Variants in SNX8 observed in about 807,000 individuals in gnomAD.
SNX8 encodes sorting nexin 8.
SNX8 carries 25 observed loss-of-function variants against 51.6 expected under a neutral mutation model. The ratio of observed to expected loss-of-function variants is 0.48; its 90% CI spans 0.35 to 0.68. The LOEUF (loss-of-function observed/expected upper bound fraction) is 0.68, where lower values mean the gene tolerates loss of function less well. SNX8 is among the 30% of genes least tolerant of loss of function. The pLI, the probability that SNX8 is intolerant of heterozygous loss-of-function variation, is 0.00. For synonymous variants in SNX8, 324 were observed against 277.0 expected, an observed-to-expected ratio of 1.17 and a Z score of -1.68; for missense variants, 695 against 624.0, an observed-to-expected ratio of 1.11 and a Z score of -1.21.
At chr7:2,267,558 C>A (rs1795500527) in intron 5 of SNX8, among the ~76,000 whole-genome samples, 1 of 134,730 alleles carries the variant, frequency 7.4e-6, no homozygotes, top group South Asian at 2.6e-4. Flanking sequence ...GAGTGATCCG[C>A]CAACCTCGGC....
At chr7:2,338,410 C>T (rs1202469691) in intron 1 of SNX8, among the ~76,000 whole-genome samples, 2 of 150,752 alleles carry the variant, frequency 1.3e-5, no homozygotes, top group East Asian at 1.9e-4. Context: ...TGCAGTGAGC[C>T]GAAATCATGC....
In SNX8 at chr7:2,257,747, C is replaced by G; in HGVS notation, c.972G>C (p.Leu324=). 2 of 1,613,990 alleles carry G rather than the reference C, an allele frequency of 1.2e-6. No individual in the cohort carries two copies. Among genetic ancestry groups the G allele is most frequent in the Non-Finnish European group, 1.7e-6 (2 of 1,179,938 alleles). ...VEKLNLFLDL[L]QSYKDLCERH... is the part of the protein sequence containing the mutation. ...AGCCAAGACTCACCTTATAGGACTG[C>G]AGCAGATCCAAGAAGAGGTTCAGCT... The change falls in exon 8 of 11, where the codon CTG becomes CTC. Residue 324 remains leucine (L), a synonymous_variant. Transcript: ENST00000222990.
chr7:2,273,273 A>C (rs1272810497), intron 3 of SNX8, among the ~76,000 whole-genome samples: 3 of 151,826 alleles, frequency 2.0e-5, no homozygotes, highest in Non-Finnish European at 4.4e-5. Flanking sequence ...AGCGTAGCGA[A>C]ACCCTGTCTC....
chr7:2,273,403 A>AC (rs1795694638), intron 3 of SNX8, among the ~76,000 whole-genome samples: 1 of 147,362 alleles, frequency 6.8e-6, no homozygotes, highest in Non-Finnish European at 1.5e-5. Flanking sequence ...ACACGGTGAA[A>AC]CCCCATCTCC....
chr7:2,341,074 G>T (rs555215313), intron 1 of SNX8, among the ~76,000 whole-genome samples: 119 of 151,034 alleles, frequency 7.9e-4, no homozygotes, highest in African/African-American at 2.7e-3. Context: ...AGAAACTGAG[G>T]TGGGAGGATC....
upstream of SNX8, among the ~76,000 whole-genome samples, chr7:2,317,591 A>G (rs1362263414): frequency 1.3e-5 from 2 of 151,898 alleles, no homozygotes; most frequent in Non-Finnish European, 2.9e-5. Context: ...TGGACCTTCT[A>G]ACGCTGATGT....
At position 2,275,129 on chromosome 7, in the gene SNX8, G is replaced by T. The variant is rs762966024; in HGVS notation, c.401C>A (p.Pro134His). ...FPYRMVPALPPKRMLGADREF... is the reference protein window; with the variant it reads ...FPYRMVPALPHKRMLGADREF... ...GGCTTTACCTCCCAGCATTCTCTTG[G>T]GTGGCAGGGCAGGCACCATACGGTA... The change falls in exon 3 of 11, where the codon CCC (proline) becomes CAC (histidine). Residue 134 changes from proline to histidine, a missense_variant. Physicochemically the swap from Pro to His is moderately conservative, Grantham distance 77. Coordinates refer to ENST00000222990, the MANE Select transcript of SNX8 (RefSeq NM_013321.4). 6.2e-7 allele frequency: 1 copy of T among 1,613,122 alleles called. No individual in the cohort carries two copies. The highest frequency in any genetic ancestry group is 1.1e-5 in the South Asian group (1 of 91,060).
chr7:2,331,295 GACT>G (rs924823891), intron 1 of SNX8, among the ~76,000 whole-genome samples: 2 of 150,386 alleles, frequency 1.3e-5, no homozygotes, highest in African/African-American at 4.9e-5. Flanking sequence ...AAAGCTACTA[GACT>G]AATAATCTGA....
chr7:2,305,458 G>A (rs1295454926), intron 1 of SNX8, among the ~76,000 whole-genome samples: 1 of 151,986 alleles, frequency 6.6e-6, no homozygotes, highest in Admixed American at 6.6e-5. Flanking sequence ...CTGCCTCCTG[G>A]GTTCAAGTGA....
Position 2,263,248 on chromosome 7 carries a change from G to T in SNX8, c.897C>A (p.Ala299=). ...KGLSVEFALL[A]DKAAQQGKQE... ...CACTCACCTGTTGTGCAGCCTTGTCGGCGAGCAGCGCGAATTCCACAGACA... is the reference window on the plus strand; with the variant it reads ...CACTCACCTGTTGTGCAGCCTTGTCTGCGAGCAGCGCGAATTCCACAGACA... The change falls in exon 7 of 11, where the codon GCC becomes GCA. Residue 299 remains alanine, a synonymous_variant. Transcript: ENST00000222990. 1.2e-6 allele frequency: 2 copies of T among 1,613,928 alleles called. No individual in the cohort carries two copies. Among genetic ancestry groups the T allele is most frequent in the African/African-American group, 1.3e-5 (1 of 75,076 alleles).
At chr7:2,327,689 G>C (rs1476044411) in intron 1 of SNX8, among the ~76,000 whole-genome samples, 3 of 147,510 alleles carry the variant, frequency 2.0e-5, no homozygotes, top group East Asian at 4.1e-4. Context: ...TTACAGGCGT[G>C]AGCCATCGCA....
chr7:2,264,776 C>T (rs1283177786), intron 5 of SNX8, among the ~76,000 whole-genome samples: 2 of 152,200 alleles, frequency 1.3e-5, no homozygotes, highest in African/African-American at 2.4e-5. Flanking sequence ...TCACTCACAC[C>T]TGTAATCCCA....
At chr7:2,313,740 T>C (rs184897900) in intron 1 of SNX8, among the ~76,000 whole-genome samples, 2 of 152,110 alleles carry the variant, frequency 1.3e-5, no homozygotes, top group African/African-American at 4.8e-5. Flanking sequence ...CACGCGCCCG[T>C]AGTCCCAGCA....
intron 2 of SNX8, among the ~76,000 whole-genome samples, chr7:2,277,078 C>A (rs1307944126): frequency 6.6e-6 from 1 of 152,226 alleles, no homozygotes; most frequent in African/African-American, 2.4e-5. Flanking sequence ...CAGGAGTGGG[C>A]CCTGCTCTGT....
intron 5 of SNX8, among the ~76,000 whole-genome samples, chr7:2,266,841 A>G (rs1441873895): frequency 6.6e-6 from 1 of 152,240 alleles, no homozygotes; most frequent in Non-Finnish European, 1.5e-5. Context: ...TTTAAAAAGA[A>G]AAAACCAAAA....
intron 1 of SNX8, among the ~76,000 whole-genome samples, chr7:2,337,731 G>C (rs1043197272): frequency 2.7e-5 from 4 of 150,598 alleles, no homozygotes; most frequent in African/African-American, 7.3e-5. Context: ...TTAGATGTTA[G>C]TTAAAGAATC....
intron 1 of SNX8, among the ~76,000 whole-genome samples, chr7:2,280,052 G>A (rs1032488928): frequency 1.3e-5 from 2 of 152,234 alleles, no homozygotes; most frequent in South Asian, 2.1e-4. Flanking sequence ...CAGGAGGGAG[G>A]GGAGAGAAGA....
chr7:2,338,275 A>G (rs1452617996), intron 1 of SNX8, among the ~76,000 whole-genome samples: 2 of 151,998 alleles, frequency 1.3e-5, no homozygotes, highest in Non-Finnish European at 2.9e-5. Flanking sequence ...ATCCTGGCTA[A>G]CATGGTGAAA....
rs755621329 is a variant in SNX8 at position 2,255,079 on chromosome 7, C to T, written c.1375G>A (p.Glu459Lys). 4 of 1,576,082 alleles carry T rather than the reference C, an allele frequency of 2.5e-6. No individual in the cohort carries two copies. In the South Asian group the frequency reaches 4.7e-5, roughly 18 times the overall value. Residue 459 changes from glutamate to lysine, a missense_variant, in exon 11 of 11, where the codon GAG becomes AAG. Coordinates refer to ENST00000222990, the MANE Select transcript of SNX8 (RefSeq NM_013321.4). ...CGCTAGTGAGGACACAGGCCGTCCT[C>T]CGGCGGGGAGCACGGTGGGGTCAGG... ...STLTPPCSPP[E>K]DGLCPH
Sources: gnomAD v4.1 joint callset for allele counts (sites outside exome capture counted in the v4.1 genomes callset) on GRCh38, gnomAD v4.1.1 for gene constraint, MANE v1.5 for transcripts, NCBI Gene and HGNC (gene_info 2026-07-23, HGNC 2026-07-21) for gene names.